Variants in WASHC5 observed in about 807,000 individuals in gnomAD.
The protein encoded by WASHC5 is WASH complex subunit 5.
A neutral mutation model predicts 150.4 loss-of-function variants in WASHC5; 101 were observed. The ratio of observed to expected loss-of-function variants is 0.67; its 90% CI spans 0.57 to 0.79. WASHC5 has a LOEUF of 0.79. Among genes scored for constraint, WASHC5 ranks in the 30% least tolerant of loss-of-function variants. WASHC5 has a pLI of 0.00. For missense variants in WASHC5, 1,195 were observed against 1,396.3 expected (o/e 0.86, Z 2.30); for synonymous variants, 467 against 491.2 (o/e 0.95, Z 0.65).
rs148585922 is a variant in WASHC5 at position 125,057,054 on chromosome 8, A to C, written c.1876-237T>G. 1.6e-3 allele frequency among the ~76,000 whole-genome samples: 250 copies of C among 152,314 alleles called. 1 individual carries two copies. The highest frequency in any genetic ancestry group is 5.8e-3 in the African/African-American group (242 of 41,572). On this transcript the variant is annotated intron_variant, in intron 15 of 28. Transcript: ENST00000318410. ...AGACTGTATCATTCCCATTTTACAG[A>C]TTTTAAAAAGATCAAGGTTCAAAAA...
chr8:125,069,297 G>C (rs1816836260), intron 9 of WASHC5, among the ~76,000 whole-genome samples: 1 of 152,192 alleles, frequency 6.6e-6, no homozygotes, highest in Non-Finnish European at 1.5e-5. Flanking sequence ...CCAGCCTCCA[G>C]AACCATGAGC....
chr8:125,079,112 G>GTATATA (rs1375247588), intron 5 of WASHC5, among the ~76,000 whole-genome samples, 182 bp from the exon 6 acceptor site: 1 of 48,420 alleles, frequency 2.1e-5, no homozygotes, highest in Admixed American at 3.4e-4. Flanking sequence ...ATGTGTGTGT[G>GTATATA]TGTGTATATA....
chr8:125,074,062 C>G (rs556144266), intron 8 of WASHC5, among the ~76,000 whole-genome samples: 19 of 152,260 alleles, frequency 1.2e-4, no homozygotes, highest in African/African-American at 4.3e-4. Flanking sequence ...TCCAAACCAG[C>G]TTTTTGGAAA....
intron 24 of WASHC5, 60 bp downstream of exon 24, chr8:125,039,735 G>A (rs1358617840): frequency 1.8e-6 from 2 of 1,091,028 alleles, no homozygotes; most frequent in Non-Finnish European, 2.8e-6. Flanking sequence ...AAGAAACTGG[G>A]GTGCGTAGAT....
At chr8:125,073,461 G>A (rs545440743) in intron 8 of WASHC5, 137 bp from the exon 9 acceptor site, 8 of 767,632 alleles carry the variant, frequency 1.0e-5, no homozygotes, top group East Asian at 5.4e-5. Flanking sequence ...TATAGGGCTC[G>A]AAGATAACAT....
intron 10 of WASHC5, among the ~76,000 whole-genome samples, chr8:125,065,445 A>G (rs1273200095): frequency 1.3e-5 from 2 of 152,004 alleles, no homozygotes; most frequent in Admixed American, 1.3e-4. Flanking sequence ...TTCTGTTTCA[A>G]TAGATTCCAG....
intron 17 of WASHC5, among the ~76,000 whole-genome samples, chr8:125,052,671 T>C (rs887224804): frequency 6.6e-6 from 1 of 151,616 alleles, no homozygotes; most frequent in South Asian, 2.1e-4. Flanking sequence ...ATTTGCTTTT[T>C]TCATTTTCCA....
At chr8:125,025,141 C>T (rs1212516832) in intron 28 of WASHC5, among the ~76,000 whole-genome samples, 2 of 152,040 alleles carry the variant, frequency 1.3e-5, no homozygotes, top group African/African-American at 4.8e-5. Context: ...GGCATGCATT[C>T]CTGAACTGTT....
intron 20 of WASHC5, among the ~76,000 whole-genome samples, chr8:125,046,717 C>A (rs925629154): frequency 1.3e-5 from 2 of 151,628 alleles, no homozygotes; most frequent in South Asian, 2.1e-4. Context: ...GATAAGTGTT[C>A]AATAAATATT....
rs938923248 is a variant in WASHC5, at chr8:125,076,549, C to G, written c.712-49G>C. Reference sequence around the variant, plus strand: ...GAGAAAGCTGTTGGCAACATTTGCACGTAGACATGCTCAAATTAAACTCTC... The same window carrying G: ...GAGAAAGCTGTTGGCAACATTTGCAGGTAGACATGCTCAAATTAAACTCTC... On this transcript the variant is annotated intron_variant, in intron 6 of 28. Coordinates refer to ENST00000318410, the MANE Select transcript of WASHC5 (RefSeq NM_014846.4). 3.1e-6 allele frequency: 5 copies of G among 1,603,318 alleles called. No homozygotes were observed. The South Asian group carries it at 5.5e-5, about 18-fold the overall frequency.
chr8:125,050,719 G>T, intron 17 of WASHC5, 54 bp from the exon 18 acceptor site: 1 of 1,334,758 alleles, frequency 7.5e-7, no homozygotes, highest in Non-Finnish European at 1.1e-6. Context: ...CAGTCCTAAC[G>T]AAATCCAGAG....
chr8:125,053,856 C>T (rs1310531274), intron 17 of WASHC5, among the ~76,000 whole-genome samples: 2 of 152,158 alleles, frequency 1.3e-5, no homozygotes. Context: ...TACTTTATAC[C>T]TCTTGGGAGA....
At chr8:125,038,758 C>T (rs1322751350) in intron 25 of WASHC5, 72 bp downstream of exon 25, 8 of 1,571,522 alleles carry the variant, frequency 5.1e-6, no homozygotes, top group Non-Finnish European at 7.0e-6. Flanking sequence ...TATTTCTGCA[C>T]AGTAATCTGT....
At chr8:125,089,307 C>T (rs1159628896) in intron 1 of WASHC5, among the ~76,000 whole-genome samples, 2 of 152,106 alleles carry the variant, frequency 1.3e-5, no homozygotes, top group African/African-American at 2.4e-5. Context: ...CAGGAGTGTC[C>T]AATCTTTTGG....
chr8:125,048,802 G>C (rs1816151998), intron 19 of WASHC5, among the ~76,000 whole-genome samples: 1 of 152,128 alleles, frequency 6.6e-6, no homozygotes, highest in Non-Finnish European at 1.5e-5. Flanking sequence ...GCCATTTAAT[G>C]ATGTCTGCCT....
intron 8 of WASHC5, among the ~76,000 whole-genome samples, chr8:125,074,042 A>G (rs893617121): frequency 6.6e-6 from 1 of 152,236 alleles, no homozygotes; most frequent in African/African-American, 2.4e-5. Context: ...TAGTATATCA[A>G]AAATGAATTT....
At chr8:125,026,302 A>G (rs1258663725) in intron 28 of WASHC5, among the ~76,000 whole-genome samples, 2 of 152,072 alleles carry the variant, frequency 1.3e-5, no homozygotes, top group South Asian at 2.1e-4. Context: ...CATCTTTTTC[A>G]TACTGAACTT....
At chr8:125,044,397 C>G (rs994438266) in intron 21 of WASHC5, 139 bp downstream of exon 21, 1 of 915,954 alleles carries the variant, frequency 1.1e-6, no homozygotes, top group African/African-American at 1.6e-5. Context: ...CTCTGATCTA[C>G]CCAGTAGGTA....
intron 28 of WASHC5, 127 bp from the exon 29 acceptor site, chr8:125,024,800 C>T (rs776396649): frequency 3.0e-5 from 21 of 688,848 alleles, no homozygotes; most frequent in African/African-American, 1.1e-4. Flanking sequence ...CATGGGCGGA[C>T]GACTCCTTGA....
Sources: gnomAD v4.1 joint callset for allele counts (sites outside exome capture counted in the v4.1 genomes callset) on GRCh38, gnomAD v4.1.1 for gene constraint, MANE v1.5 for transcripts, NCBI Gene and HGNC (gene_info 2026-07-23, HGNC 2026-07-21) for gene names.